NTM: variants seen among roughly 807,000 people sequenced by gnomAD.
The protein encoded by NTM is neurotrimin, also known as IgLON family member 2.
Under a neutral mutation model 42.1 loss-of-function variants are expected in NTM, and 13 were observed. The observed-to-expected ratio is 0.31, with a 90% CI of 0.20 to 0.49. NTM has a LOEUF of 0.49. Ranked by LOEUF, NTM falls within the 20% of genes least tolerant of loss-of-function variation. NTM has a pLI of 0.99. For synonymous variants in NTM, 187 were observed against 179.2 expected (o/e 1.04, Z -0.35); for missense variants, 373 against 452.8 (o/e 0.82, Z 1.60).
chr11:131,866,137 G>A (rs537903069), intron 1 of NTM, among the ~76,000 whole-genome samples: 1 of 150,462 alleles, frequency 6.6e-6, no homozygotes, highest in Admixed American at 6.6e-5. Flanking sequence ...ACATACACAT[G>A]CATGCCGCAC....
chr11:131,994,017 A>AATAGAAG (rs1555209837), intron 2 of NTM, among the ~76,000 whole-genome samples: 1 of 138,010 alleles, frequency 7.2e-6, no homozygotes, highest in Admixed American at 7.2e-5. Flanking sequence ...AAAAAAAAAA[A>AATAGAAG]AAGAAGAAGA....
At chr11:132,289,522 T>G (rs1240057638) in intron 4 of NTM, among the ~76,000 whole-genome samples, 1 of 152,238 alleles carries the variant, frequency 6.6e-6, no homozygotes, top group Non-Finnish European at 1.5e-5. Flanking sequence ...CTTTGCCATC[T>G]GCCTAGAAAG....
At chr11:131,620,450 A>G (rs1462560410) in intron 1 of NTM, among the ~76,000 whole-genome samples, 2 of 152,202 alleles carry the variant, frequency 1.3e-5, no homozygotes, top group Non-Finnish European at 2.9e-5. Context: ...CATTCCATGT[A>G]GAAAACAATT....
chr11:132,081,944 A>G (rs2059119790), intron 2 of NTM, among the ~76,000 whole-genome samples: 1 of 127,628 alleles, frequency 7.8e-6, no homozygotes, highest in Non-Finnish European at 1.6e-5. Context: ...TCATATATAT[A>G]TATTTATATA....
intron 2 of NTM, among the ~76,000 whole-genome samples, chr11:131,954,347 G>T (rs1206203499): frequency 6.6e-6 from 1 of 152,190 alleles, no homozygotes; most frequent in African/African-American, 2.4e-5. Flanking sequence ...GTCGCTGCTT[G>T]GTGTCCTTCC....
intron 2 of NTM, among the ~76,000 whole-genome samples, chr11:132,009,573 T>C (rs2071619998): frequency 6.6e-6 from 1 of 152,166 alleles, no homozygotes; most frequent in Non-Finnish European, 1.5e-5. Flanking sequence ...GTCCTGAGAA[T>C]GGAGCACAAG....
chr11:131,512,605 T>TC (rs2048396652), intron 1 of NTM, among the ~76,000 whole-genome samples: 1 of 152,040 alleles, frequency 6.6e-6, no homozygotes, highest in Non-Finnish European at 1.5e-5. Context: ...CTTCTCCTGT[T>TC]CCCCCCACAG....
chr11:132,313,931 C>T (rs987270653), intron 6 of NTM, among the ~76,000 whole-genome samples: 1 of 152,130 alleles, frequency 6.6e-6, no homozygotes, highest in Non-Finnish European at 1.5e-5. Context: ...TCCTCTATAA[C>T]AGTCTGGGCA....
chr11:132,100,197 G>A (rs2136537035), intron 2 of NTM, among the ~76,000 whole-genome samples: 2 of 152,338 alleles, frequency 1.3e-5, no homozygotes, highest in Middle Eastern at 3.4e-3. Context: ...TGTCTGATTG[G>A]TAACCACACC....
chr11:131,806,397 A>C (rs2092482916), intron 1 of NTM, among the ~76,000 whole-genome samples: 3 of 152,204 alleles, frequency 2.0e-5, no homozygotes, highest in African/African-American at 7.2e-5. Context: ...TGTTGATATG[A>C]AAAGCTCATG....
chr11:131,710,952 T>C (rs1410216370), intron 1 of NTM, among the ~76,000 whole-genome samples: 1 of 152,188 alleles, frequency 6.6e-6, no homozygotes, highest in Non-Finnish European at 1.5e-5. Context: ...TATTTCTGGC[T>C]ACTGCACTGG....
At chr11:131,782,040 G>A (rs947602977) in intron 1 of NTM, among the ~76,000 whole-genome samples, 1 of 152,198 alleles carries the variant, frequency 6.6e-6, no homozygotes, top group Non-Finnish European at 1.5e-5. Flanking sequence ...AGCTAGAGTG[G>A]AGAGATTTTA....
intron 4 of NTM, among the ~76,000 whole-genome samples, chr11:132,295,620 G>A (rs975773143): frequency 7.2e-5 from 11 of 152,256 alleles, no homozygotes; most frequent in African/African-American, 2.6e-4. Context: ...ATTTGAAGGT[G>A]GACAAAAGAG....
intron 1 of NTM, among the ~76,000 whole-genome samples, chr11:131,863,932 A>G (rs1592352809): frequency 2.6e-5 from 4 of 152,330 alleles, no homozygotes; most frequent in East Asian, 3.9e-4. Context: ...AACATAATCA[A>G]GTTTCAGATA....
At chr11:131,519,468 G>T (rs1262415486) in intron 1 of NTM, among the ~76,000 whole-genome samples, 1 of 147,720 alleles carries the variant, frequency 6.8e-6, no homozygotes, top group Admixed American at 6.7e-5. Context: ...TTTTATTTCT[G>T]GGTTAGCACC....
chr11:131,779,041 G>A (rs1001113670), intron 1 of NTM, among the ~76,000 whole-genome samples: 1 of 152,198 alleles, frequency 6.6e-6, no homozygotes, highest in Non-Finnish European at 1.5e-5. Flanking sequence ...GGAAGCAAAC[G>A]GCACCATTGT....
chr11:131,654,113 C>G (rs1245984599), intron 1 of NTM, among the ~76,000 whole-genome samples: 1 of 152,188 alleles, frequency 6.6e-6, no homozygotes, highest in East Asian at 1.9e-4. Flanking sequence ...CAACCTTGTT[C>G]CTGTCCTCAG....
intron 2 of NTM, among the ~76,000 whole-genome samples, chr11:132,100,117 A>G (rs2061458673): frequency 6.6e-6 from 1 of 152,166 alleles, no homozygotes; most frequent in African/African-American, 2.4e-5. Flanking sequence ...ACTATGAGAG[A>G]CCTTTTTACA....
chr11:131,572,755 A>G (rs2057569832), intron 1 of NTM, among the ~76,000 whole-genome samples: 1 of 152,208 alleles, frequency 6.6e-6, no homozygotes, highest in African/African-American at 2.4e-5. Context: ...TTGCACTTTC[A>G]GGCAGAAGCT....
Sources: allele counts gnomAD v4.1 joint callset (sites outside exome capture counted in the v4.1 genomes callset), GRCh38; gene constraint gnomAD v4.1.1; transcripts MANE v1.5; gene names NCBI Gene and HGNC (gene_info 2026-07-23, HGNC 2026-07-21).